The following MTCL1 variants were observed in gnomAD, a reference collection of about 807,000 sequenced individuals.
MTCL1 encodes microtubule crosslinking factor 1.
Under a neutral mutation model 141.4 loss-of-function variants are expected in MTCL1, and 79 were observed. The ratio of observed to expected loss-of-function variants is 0.56; its 90% CI spans 0.47 to 0.67. The LOEUF is 0.67. Among genes scored for constraint, MTCL1 ranks in the 30% least tolerant of loss-of-function variants. The pLI is 0.00. For synonymous variants in MTCL1, 914 were observed against 875.8 expected (o/e 1.04, Z -0.77); for missense variants, 2,177 against 2,113.9 (o/e 1.03, Z -0.59).
chr18:8,808,428 C>T (rs2076374950), intron 11 of MTCL1, among the ~76,000 whole-genome samples: 1 of 152,156 alleles, frequency 6.6e-6, no homozygotes, highest in African/African-American at 2.4e-5. Flanking sequence ...ACGTAGTATC[C>T]ACCCACAGGT....
chr18:8,718,035 T>C, intron 2 of MTCL1: 1 of 959,528 alleles, frequency 1.0e-6, no homozygotes, highest in African/African-American at 1.7e-5. Context: ...GCAGGGTCCG[T>C]ATGATTCATC....
At position 8,820,919 on chromosome 18, in the gene MTCL1, T is replaced by C. The variant is rs113748088; in HGVS notation, c.3157-548T>C. Among the ~76,000 whole-genome samples, 899 of 152,356 alleles carry C rather than the reference T, an allele frequency of 5.9e-3. 11 individuals are homozygous for C. Among genetic ancestry groups the C allele is most frequent in the African/African-American group, 0.021 (863 of 41,580 alleles). On this transcript the variant is annotated intron_variant, in intron 13 of 16. Coordinates refer to ENST00000359865, the Ensembl canonical transcript of MTCL1. ...TCTACAAACACAGCTATCATTCTTC[T>C]TAAAGGGGAAGGCACTGTACTTTGC... is the stretch of plus-strand genomic sequence containing the variant.
intron 4 of MTCL1, among the ~76,000 whole-genome samples, chr18:8,758,747 T>A (rs2096415266): frequency 6.6e-6 from 1 of 152,332 alleles, no homozygotes; most frequent in Non-Finnish European, 1.5e-5. Flanking sequence ...AATTGTAAAT[T>A]CTTGGTTATC....
chr18:8,797,735 A>G (rs887610256), intron 9 of MTCL1, among the ~76,000 whole-genome samples: 4 of 152,258 alleles, frequency 2.6e-5, no homozygotes, highest in African/African-American at 9.6e-5. Flanking sequence ...TATCCGTGAC[A>G]TAGATAACCA....
At chr18:8,781,093 G>A (rs2096530948) in intron 5 of MTCL1, among the ~76,000 whole-genome samples, 1 of 140,094 alleles carries the variant, frequency 7.1e-6, no homozygotes, top group African/African-American at 2.6e-5. Context: ...AGAATTGCTT[G>A]AACCTAGGAG....
At chr18:8,722,294 A>G (rs1419163710) in intron 4 of MTCL1, among the ~76,000 whole-genome samples, 16 of 152,168 alleles carry the variant, frequency 1.1e-4, no homozygotes, top group Non-Finnish European at 2.1e-4. Flanking sequence ...AAATCTGTGC[A>G]TGTCTTGTAG....
At chr18:8,706,794 C>T in intron 1 of MTCL1, 81 bp downstream of exon 1, 2 of 1,520,576 alleles carry the variant, frequency 1.3e-6, no homozygotes, top group Non-Finnish European at 1.8e-6. Flanking sequence ...ACCCCTCCTT[C>T]CCGGGCCTGT....
intron 14 of MTCL1, 149 bp downstream of exon 13, chr18:8,821,647 A>T: frequency 4.0e-6 from 2 of 502,132 alleles, no homozygotes; most frequent in Non-Finnish European, 7.2e-6. Flanking sequence ...TTTATTATTC[A>T]TTTCATAAAC....
intron 11 of MTCL1, 71 bp downstream of exon 10, chr18:8,807,131 CG>C: frequency 6.8e-7 from 1 of 1,462,294 alleles, no homozygotes. Flanking sequence ...GGCGGGGGAG[CG>C]GGCACAGAGA....
At chr18:8,724,629 C>T (rs947116228) in intron 4 of MTCL1, among the ~76,000 whole-genome samples, 1 of 152,066 alleles carries the variant, frequency 6.6e-6, no homozygotes, top group Non-Finnish European at 1.5e-5. Flanking sequence ...CTTGGCTTGT[C>T]TTAACTCTTT....
At chr18:8,719,702 A>G (rs2096155198) in intron 3 of MTCL1, among the ~76,000 whole-genome samples, 1 of 152,182 alleles carries the variant, frequency 6.6e-6, no homozygotes, top group Non-Finnish European at 1.5e-5. Flanking sequence ...AGCTGGGACT[A>G]TAGGCATGCA....
At chr18:8,795,739 G>A (rs535460533) in intron 8 of MTCL1, among the ~76,000 whole-genome samples, 1 of 152,204 alleles carries the variant, frequency 6.6e-6, no homozygotes, top group Non-Finnish European at 1.5e-5. Context: ...AGCCTGCTGT[G>A]CTCTCCACCA....
At chr18:8,748,856 T>TTCC (rs1217923969) in intron 4 of MTCL1, among the ~76,000 whole-genome samples, 2 of 152,070 alleles carry the variant, frequency 1.3e-5, no homozygotes, top group African/African-American at 4.8e-5. Context: ...ACAGGGGACC[T>TTCC]TTGTATCTTA....
At chr18:8,759,794 G>T (rs1317997988) in intron 4 of MTCL1, among the ~76,000 whole-genome samples, 1 of 152,118 alleles carries the variant, frequency 6.6e-6, no homozygotes, top group East Asian at 1.9e-4. Flanking sequence ...CCAGATCTGG[G>T]TCTGCGGGGG....
At chr18:8,809,849 G>C in intron 11 of MTCL1, 1 of 465,666 alleles carries the variant, frequency 2.1e-6, no homozygotes, top group Non-Finnish European at 3.9e-6. Flanking sequence ...AAAGGGCTGG[G>C]CTGAAGATGT....
intron 4 of MTCL1, among the ~76,000 whole-genome samples, chr18:8,757,695 C>G (rs554150828): frequency 2.0e-5 from 3 of 152,096 alleles, no homozygotes; most frequent in Non-Finnish European, 4.4e-5. Flanking sequence ...GACACATTTG[C>G]ATTTTTGAGA....
rs71297365 is a variant in MTCL1, at chr18:8,727,852, T to TTC, written c.357+7377_357+7378dup. On this transcript the variant is annotated intron_variant, in intron 4 of 16. Coordinates refer to ENST00000359865, the Ensembl canonical transcript of MTCL1. ...GTTCTTTATTTTCCCTGCTTGCTCC[T>TTC]TCTCTCTCTCTCTCTCTCTCTCCCT... 1.1e-3 allele frequency among the ~76,000 whole-genome samples: 153 copies of TTC among 135,436 alleles called. 1 individual carries two copies. The highest frequency in any genetic ancestry group is 3.6e-3 in the Middle Eastern group (1 of 274). 88.9% of individuals were successfully genotyped at this position (135,436 alleles called of 152,430 possible).
intron 4 of MTCL1, among the ~76,000 whole-genome samples, chr18:8,729,156 C>T (rs917498158): frequency 9.9e-5 from 15 of 151,690 alleles, no homozygotes; most frequent in African/African-American, 3.4e-4. Flanking sequence ...GCAGTCCTCT[C>T]GCCTAAGCAC....
At chr18:8,722,101 A>G (rs1454381309) in intron 4 of MTCL1, among the ~76,000 whole-genome samples, 1 of 151,836 alleles carries the variant, frequency 6.6e-6, no homozygotes, top group Non-Finnish European at 1.5e-5. Context: ...CTCTGCCTCA[A>G]TTAAAGTACC....
Sources: gnomAD v4.1 joint callset for allele counts (sites outside exome capture counted in the v4.1 genomes callset) on GRCh38, gnomAD v4.1.1 for gene constraint, MANE v1.5 for transcripts, NCBI Gene and HGNC (gene_info 2026-07-23, HGNC 2026-07-21) for gene names.